FGGY: variants seen among roughly 807,000 people sequenced by gnomAD.
FGGY encodes FGGY carbohydrate kinase domain-containing protein.
Under a neutral mutation model 71.3 loss-of-function variants are expected in FGGY, and 72 were observed. The ratio of observed to expected loss-of-function variants is 1.01; its 90% confidence interval spans 0.84 to 1.23. The LOEUF (loss-of-function observed/expected upper bound fraction) is 1.23, where lower values mean the gene tolerates loss of function less well. Ranked by LOEUF, FGGY falls within the 50% of genes most tolerant of loss-of-function variation. The pLI is 0.00. For synonymous variants in FGGY, 251 were observed against 250.3 expected (o/e 1.00, Z -0.02); for missense variants, 668 against 682.3 (o/e 0.98, Z 0.23).
chr1:59,403,067 C>T (rs1051319253), intron 5 of FGGY, among the ~76,000 whole-genome samples: 4 of 152,014 alleles, frequency 2.6e-5, no homozygotes, highest in Non-Finnish European at 5.9e-5. Flanking sequence ...CTGGATGGGG[C>T]CCCTCTTAAA....
chr1:59,357,340 T>C (rs2054528849), intron 4 of FGGY, among the ~76,000 whole-genome samples: 2 of 152,236 alleles, frequency 1.3e-5, no homozygotes, highest in Non-Finnish European at 2.9e-5. Context: ...TCAGCTATTA[T>C]TATAATACTT....
chr1:59,499,530 T>C (rs1359681547), intron 6 of FGGY, among the ~76,000 whole-genome samples: 1 of 152,048 alleles, frequency 6.6e-6, no homozygotes, highest in Non-Finnish European at 1.5e-5. Flanking sequence ...GAGTTGACCA[T>C]GAGAAATTGA....
At chr1:59,729,897 C>T (rs1245168573) in intron 14 of FGGY, among the ~76,000 whole-genome samples, 1 of 152,076 alleles carries the variant, frequency 6.6e-6, no homozygotes, top group Non-Finnish European at 1.5e-5. Flanking sequence ...AAAGTCTCTT[C>T]CTCTTAAAAG....
At chr1:59,536,962 C>T (rs1265355379) in intron 7 of FGGY, among the ~76,000 whole-genome samples, 2 of 151,980 alleles carry the variant, frequency 1.3e-5, no homozygotes, top group Non-Finnish European at 2.9e-5. Context: ...TCTCTCACCA[C>T]TCCTATTCAA....
chr1:59,456,446 C>CTTT (rs554474364), intron 5 of FGGY, among the ~76,000 whole-genome samples: 11 of 133,080 alleles, frequency 8.3e-5, no homozygotes, highest in East Asian at 4.2e-4. Flanking sequence ...AGGACTGAAA[C>CTTT]TTTTTTTTTT....
chr1:59,305,286 A>G (rs1479670129), intron 1 of FGGY, among the ~76,000 whole-genome samples: 3 of 152,274 alleles, frequency 2.0e-5, no homozygotes, highest in Admixed American at 2.0e-4. Context: ...AATTTTGTCA[A>G]ATGCTTTTGC....
chr1:59,543,606 G>A (rs1378564647), intron 7 of FGGY, among the ~76,000 whole-genome samples: 3 of 152,168 alleles, frequency 2.0e-5, no homozygotes, highest in Non-Finnish European at 2.9e-5. Flanking sequence ...TGTTGCAACC[G>A]AAACTCTTAT....
chr1:59,326,084 GGAA>G (rs1484357262), intron 2 of FGGY, among the ~76,000 whole-genome samples: 2 of 152,232 alleles, frequency 1.3e-5, no homozygotes, highest in African/African-American at 4.8e-5. Flanking sequence ...ACTTCTCTTA[GGAA>G]GAAGGAGAAG....
At chr1:59,467,863 G>T (rs56759111) in intron 6 of FGGY, among the ~76,000 whole-genome samples, 2 of 151,410 alleles carry the variant, frequency 1.3e-5, no homozygotes, top group Admixed American at 1.3e-4. Context: ...TAAGTCCCTT[G>T]TTGGCTTCAA....
At chr1:59,482,780 G>C (rs1267541125) in intron 6 of FGGY, among the ~76,000 whole-genome samples, 1 of 151,956 alleles carries the variant, frequency 6.6e-6, no homozygotes, top group African/African-American at 2.4e-5. Context: ...ACATCACAAA[G>C]CTAAGAGGTT....
chr1:59,565,377 C>A (rs561486134), intron 8 of FGGY, among the ~76,000 whole-genome samples: 4 of 152,072 alleles, frequency 2.6e-5, no homozygotes, highest in African/African-American at 9.7e-5. Flanking sequence ...CTCTGCCTCC[C>A]GGGTTCACGC....
At position 59,501,423 on chromosome 1, in the gene FGGY, G is replaced by GA. The variant is rs78590825; in HGVS notation, c.671-10878dup. 2.3e-3 allele frequency among the ~76,000 whole-genome samples: 339 copies of GA among 145,916 alleles called. 3 individuals are homozygous for GA. The highest frequency in any genetic ancestry group is 0.01 in the Middle Eastern group (3 of 288). ...TTATGTGATCTTTGTATTTGATTGT[G>GA]AAAAAAAAAAGCAAAATTGTAGAAA... On this transcript the variant is annotated intron_variant, in intron 6 of 15. Coordinates refer to ENST00000303721, the MANE Select transcript of FGGY (RefSeq NM_018291.5).
chr1:59,326,463 T>G (rs1273218720), intron 2 of FGGY, among the ~76,000 whole-genome samples: 2 of 152,250 alleles, frequency 1.3e-5, no homozygotes, highest in Admixed American at 1.3e-4. Flanking sequence ...CATTTTCATT[T>G]GATTGCTATT....
intron 7 of FGGY, among the ~76,000 whole-genome samples, chr1:59,516,152 T>G (rs1457277355): frequency 6.6e-6 from 1 of 152,220 alleles, no homozygotes; most frequent in East Asian, 1.9e-4. Context: ...AAGAGTTGGA[T>G]ATCTCAAAAA....
At chr1:59,603,512 T>C (rs528738514) in intron 8 of FGGY, among the ~76,000 whole-genome samples, 1 of 152,324 alleles carries the variant, frequency 6.6e-6, no homozygotes, top group South Asian at 2.1e-4. Context: ...TAATAAACCA[T>C]TGATATGTGA....
At chr1:59,635,921 C>A (rs1355396747) in intron 10 of FGGY, among the ~76,000 whole-genome samples, 1 of 152,146 alleles carries the variant, frequency 6.6e-6, no homozygotes, top group Non-Finnish European at 1.5e-5. Flanking sequence ...GGGTTTAAAG[C>A]TGGACTCAGA....
intron 14 of FGGY, among the ~76,000 whole-genome samples, chr1:59,712,789 G>GT (rs2097805213): frequency 6.6e-6 from 1 of 152,188 alleles, no homozygotes; most frequent in Admixed American, 6.5e-5. Context: ...CTCCAGGCTT[G>GT]TGATGGGAGG....
At position 59,735,313 on chromosome 1, in the gene FGGY, T is replaced by C. The variant is rs371136092; in HGVS notation, c.1513-22618T>C. ...TTCCTGCTTTAGTTAACATCTTGTC[T>C]CCACAGAACCACATCCAACCTTCCA... On this transcript the variant is annotated intron_variant, in intron 14 of 15. Transcript: ENST00000303721. Among the ~76,000 whole-genome samples the C allele has an allele frequency of 1.9e-3, 289 of 152,290 alleles. 2 individuals are homozygous for C. The highest frequency in any genetic ancestry group is 6.6e-3 in the African/African-American group (274 of 41,562).
intron 6 of FGGY, among the ~76,000 whole-genome samples, chr1:59,462,398 G>A (rs2092307658): frequency 6.6e-6 from 1 of 152,068 alleles, no homozygotes; most frequent in East Asian, 1.9e-4. Context: ...ATAGGCATGG[G>A]CAAGGACTTC....
Sources: gnomAD v4.1 joint callset for allele counts (sites outside exome capture counted in the v4.1 genomes callset) on GRCh38, gnomAD v4.1.1 for gene constraint, MANE v1.5 for transcripts, NCBI Gene and HGNC (gene_info 2026-07-23, HGNC 2026-07-21) for gene names.